The following ARHGEF38 variants were observed in gnomAD, a reference collection of about 807,000 sequenced individuals.
The protein encoded by ARHGEF38 is Rho guanine nucleotide exchange factor 38.
In ARHGEF38, 79 loss-of-function variants were observed where a neutral mutation model predicts 79.9. The ratio of observed to expected loss-of-function variants is 0.99; its 90% CI spans 0.82 to 1.19. ARHGEF38 has a LOEUF of 1.19. Ranked by LOEUF, ARHGEF38 falls within the 50% of genes most tolerant of loss-of-function variation. The probability of loss-of-function intolerance (pLI) is 0.00; values close to 1 mark genes in which losing one functional copy is unlikely to be tolerated. For missense variants in ARHGEF38, 962 were observed against 907.2 expected (o/e 1.06, Z -0.78); for synonymous variants, 366 against 328.3 (o/e 1.11, Z -1.24).
downstream of ARHGEF38, among the ~76,000 whole-genome samples, chr4:105,681,940 A>G (rs763158553): frequency 3.3e-5 from 5 of 152,188 alleles, no homozygotes; most frequent in Non-Finnish European, 5.9e-5. Context: ...AACAAGTCAT[A>G]TATTTCCATC....
chr4:105,628,031 A>G (rs1324938141), intron 3 of ARHGEF38, among the ~76,000 whole-genome samples: 1 of 84,032 alleles, frequency 1.2e-5, no homozygotes, highest in Admixed American at 1.0e-4. Flanking sequence ...GGAAAAGAGT[A>G]AAAAAAAAAA....
At chr4:105,593,113 T>C (rs1727416934) in intron 2 of ARHGEF38, among the ~76,000 whole-genome samples, 1 of 152,232 alleles carries the variant, frequency 6.6e-6, no homozygotes, top group South Asian at 2.1e-4. Flanking sequence ...CTATATTCAT[T>C]GTCTATTTTA....
intron 5 of ARHGEF38, among the ~76,000 whole-genome samples, chr4:105,638,147 G>C (rs1455202337): frequency 6.6e-6 from 1 of 152,278 alleles, no homozygotes; most frequent in East Asian, 1.9e-4. Flanking sequence ...GCATTTAAGA[G>C]TACAAGATGT....
At chr4:105,617,845 G>C (rs1728569991) in intron 3 of ARHGEF38, among the ~76,000 whole-genome samples, 1 of 152,082 alleles carries the variant, frequency 6.6e-6, no homozygotes, top group South Asian at 2.1e-4. Flanking sequence ...AATTTTGAAA[G>C]TCCATAATCA....
At chr4:105,638,017 C>T (rs1369149777) in intron 5 of ARHGEF38, among the ~76,000 whole-genome samples, 1 of 152,092 alleles carries the variant, frequency 6.6e-6, no homozygotes, top group Non-Finnish European at 1.5e-5. Flanking sequence ...CCTTCCTGTT[C>T]CTTTCATTCA....
chr4:105,655,207 A>G (rs1429546724), intron 8 of ARHGEF38, among the ~76,000 whole-genome samples: 1 of 152,228 alleles, frequency 6.6e-6, no homozygotes, highest in Non-Finnish European at 1.5e-5. Context: ...CCACTAATAG[A>G]TTCAACAAAA....
chr4:105,595,224 T>G (rs1243947583), intron 2 of ARHGEF38, among the ~76,000 whole-genome samples: 1 of 152,218 alleles, frequency 6.6e-6, no homozygotes, highest in African/African-American at 2.4e-5. Context: ...CATCCAATGA[T>G]ATTTCAAGTG....
In ARHGEF38 at chr4:105,648,671, G is replaced by A; in HGVS notation, c.997G>A (p.Gly333Arg). Reference sequence around the variant, plus strand: ...AAATCATCTGAAGATTCTGACCAGAGGAGAATCACAGGTAATTTTTCTTCT... The same window carrying A: ...AAATCATCTGAAGATTCTGACCAGAAGAGAATCACAGGTAATTTTTCTTCT... ...VTNHLKILTR[G>R]ESQVKDNTFN... Residue 333 changes from glycine to arginine, a missense_variant, in exon 7 of 14, where the codon GGA becomes AGA. By Grantham distance (125) the Gly-to-Arg change is moderately radical (BLOSUM62 -2). Coordinates refer to ENST00000420470, the MANE Select transcript of ARHGEF38 (RefSeq NM_001242729.2). 1 of 1,515,676 alleles carries A rather than the reference G, an allele frequency of 6.6e-7. No homozygotes were observed. Among genetic ancestry groups the A allele is most frequent in the Non-Finnish European group, 8.8e-7 (1 of 1,140,298 alleles). The allele number at this position is 1,515,676 out of a possible 1,614,324, so 93.9% of individuals were successfully genotyped here. A position where few individuals can be genotyped will look rare whatever the true frequency, so the allele number is the denominator to read the frequency against.
At chr4:105,561,524 A>AGAATG (rs1725621279) in intron 1 of ARHGEF38, 1 of 142,030 alleles carries the variant, frequency 7.0e-6, no homozygotes. Context: ...AGAATAGAAT[A>AGAATG]GAATAGAATA....
chr4:105,667,545 A>G lies in ARHGEF38; in HGVS notation c.1990A>G (p.Asn664Asp). ...CAGGTTCTGTGACGATGATTTTGAG[A>G]ACATCAGCCTCTTCGTGTCTTCACG... The part of the protein sequence containing the change: ...ENRFCDDDFE[N>D]ISLFVSSRPA... Residue 664 changes from asparagine (N) to aspartate (D), a missense_variant, in exon 13 of 14, where the codon AAC (asparagine) becomes GAC (aspartate). Physicochemically the swap from Asn to Asp is conservative, Grantham distance 23. Transcript: ENST00000420470. The G allele has an allele frequency of 2.0e-6, 3 of 1,536,698 alleles. No homozygotes were observed. Among genetic ancestry groups the G allele is most frequent in the Non-Finnish European group, 2.6e-6 (3 of 1,147,044 alleles).
At chr4:105,602,192 G>T (rs1054346279) in intron 2 of ARHGEF38, among the ~76,000 whole-genome samples, 1 of 152,124 alleles carries the variant, frequency 6.6e-6, no homozygotes, top group African/African-American at 2.4e-5. Flanking sequence ...GAGTAGGTGA[G>T]CTAACATAGG....
At chr4:105,568,183 A>G (rs1726034786) in intron 1 of ARHGEF38, among the ~76,000 whole-genome samples, 1 of 152,110 alleles carries the variant, frequency 6.6e-6, no homozygotes. Flanking sequence ...AGTCCATCAC[A>G]TGAACAGACA....
intron 1 of ARHGEF38, among the ~76,000 whole-genome samples, chr4:105,579,326 C>A (rs1352773971): frequency 6.6e-6 from 1 of 152,130 alleles, no homozygotes; most frequent in Non-Finnish European, 1.5e-5. Flanking sequence ...AAGGGGAATG[C>A]TTTCAGCTTT....
rs187446214 is a variant in ARHGEF38 at position 105,601,247 on chromosome 4, C to A, written c.384+11812C>A. Reference sequence around the variant, plus strand: ...TTTCTTGAACAAACCAGGAGCACTGCTGTTTCAAGCTCTTTGTTCTTGCTG... The same window carrying A: ...TTTCTTGAACAAACCAGGAGCACTGATGTTTCAAGCTCTTTGTTCTTGCTG... On this transcript the variant is annotated intron_variant, in intron 2 of 13. Coordinates refer to ENST00000420470, the MANE Select transcript of ARHGEF38 (RefSeq NM_001242729.2). Among the ~76,000 whole-genome samples, 330 of 152,284 alleles carry A rather than the reference C, an allele frequency of 2.2e-3. 4 individuals are homozygous for A. Among genetic ancestry groups the A allele is most frequent in the Non-Finnish European group, 7.9e-4 (54 of 68,028 alleles).
chr4:105,655,871 T>A lies in ARHGEF38; in HGVS notation c.1233+149T>A, dbSNP rs933155515. 2.0e-5 allele frequency: 19 copies of A among 929,054 alleles called. No homozygotes were observed. In the African/African-American group the frequency reaches 3.0e-4, roughly 15 times the overall value. 57.6% of individuals were successfully genotyped at this position (929,054 alleles called of 1,614,324 possible). A position where few individuals can be genotyped will look rare whatever the true frequency, so the allele number is the denominator to read the frequency against. ...ATTAGTAGATTTAAATGGGATTTTT[T>A]TAAATCATTTAATATTTTTAAAGTG... On this transcript the variant is annotated intron_variant, in intron 9 of 13. Coordinates refer to ENST00000420470, the MANE Select transcript of ARHGEF38 (RefSeq NM_001242729.2).
intron 10 of ARHGEF38, among the ~76,000 whole-genome samples, 151 bp downstream of exon 10, chr4:105,659,516 T>C (rs1730477245): frequency 2.6e-5 from 4 of 152,176 alleles, no homozygotes; most frequent in Admixed American, 2.6e-4. Flanking sequence ...GATAGTCTCC[T>C]GTTCCTTATC....
chr4:105,668,001 A>G (rs955090657), intron 13 of ARHGEF38, among the ~76,000 whole-genome samples: 3 of 152,158 alleles, frequency 2.0e-5, no homozygotes, highest in African/African-American at 7.2e-5. Flanking sequence ...ACAGCAAAGT[A>G]TCTTTTTATA....
Position 105,666,309 on chromosome 4 carries a change from G to A in ARHGEF38, c.1678G>A (p.Val560Met). The A allele has an allele frequency of 6.6e-7, 1 of 1,526,146 alleles. No homozygotes were observed. The highest frequency in any genetic ancestry group is 8.7e-7 in the Non-Finnish European group (1 of 1,143,684). 94.5% of individuals were successfully genotyped at this position (1,526,146 alleles called of 1,614,324 possible). A position where few individuals can be genotyped will look rare whatever the true frequency, so the allele number is the denominator to read the frequency against. The stretch of plus-strand genomic sequence containing the variant: ...ACTCAGTTTTGAAAAGAAGAAACCT[G>A]TGCAGATTCTGGTGAGTTTGGCAGC... The part of the protein sequence containing the change: ...RKLSFEKKKP[V>M]QILPEMPHQT... Residue 560 changes from valine (V) to methionine (M), a missense_variant, in exon 11 of 14, where the codon GTG becomes ATG. Transcript: ENST00000420470.
At chr4:105,676,928 G>A (rs1013445786) in intron 13 of ARHGEF38, among the ~76,000 whole-genome samples, 6 of 150,926 alleles carry the variant, frequency 4.0e-5, no homozygotes, top group African/African-American at 1.2e-4. Flanking sequence ...CATGTTATTA[G>A]TCTCAGAAAG....
Sources: allele counts gnomAD v4.1 joint callset (sites outside exome capture counted in the v4.1 genomes callset), GRCh38; gene constraint gnomAD v4.1.1; transcripts MANE v1.5; gene names NCBI Gene and HGNC (gene_info 2026-07-23, HGNC 2026-07-21).